Variants in SCNN1B observed in about 807,000 individuals in gnomAD.
SCNN1B encodes the protein epithelial sodium channel subunit beta.
In SCNN1B, 46 loss-of-function variants were observed where a neutral mutation model predicts 65.3. That is an observed-to-expected ratio of 0.70 (90% CI 0.56 to 0.90). SCNN1B has a LOEUF of 0.90. Ranked by LOEUF, SCNN1B falls within the 40% of genes least tolerant of loss-of-function variation. SCNN1B has a pLI of 0.00. For synonymous variants in SCNN1B, 349 were observed against 330.6 expected, an observed-to-expected ratio of 1.06 and a Z score of -0.60; for missense variants, 751 against 830.5, an observed-to-expected ratio of 0.90 and a Z score of 1.18.
intron 1 of SCNN1B, among the ~76,000 whole-genome samples, chr16:23,319,838 G>A (rs1254839216): frequency 6.6e-6 from 1 of 152,058 alleles, no homozygotes; most frequent in Non-Finnish European, 1.5e-5. Flanking sequence ...CGCAATCTTG[G>A]CTCACTGCAA....
intron 1 of SCNN1B, among the ~76,000 whole-genome samples, chr16:23,280,534 T>C (rs1960770130): frequency 6.6e-6 from 1 of 152,208 alleles, no homozygotes; most frequent in African/African-American, 2.4e-5. Flanking sequence ...GTATTATTAT[T>C]ATGAGCTCTA....
At position 23,371,873 on chromosome 16, in the gene SCNN1B, A is replaced by G. The variant is rs755232411; in HGVS notation, c.1142A>G (p.Tyr381Cys). 4 of 1,612,332 alleles carry G rather than the reference A, an allele frequency of 2.5e-6. No homozygotes were observed. The highest frequency in any genetic ancestry group is 1.1e-5 in the South Asian group (1 of 91,040). ...TTCTACAGTGACTACAACACGACCTACTCCATCCAGGTGGGAAGGTGGTGC... is the reference window on the plus strand; with the variant it reads ...TTCTACAGTGACTACAACACGACCTGCTCCATCCAGGTGGGAAGGTGGTGC... The part of the protein sequence containing the change: ...QNFYSDYNTT[Y>C]SIQACLRSCF... The change falls in exon 7 of 13, where the codon TAC (tyrosine) becomes TGC (cysteine). Residue 381 changes from tyrosine to cysteine, a missense_variant. Transcript: ENST00000343070.
Position 23,380,887 on chromosome 16 carries a change from A to G in SCNN1B, c.*86A>G. 2.7e-6 allele frequency: 4 copies of G among 1,466,330 alleles called. No individual in the cohort carries two copies. The East Asian group carries it at 9.0e-5, about 33-fold the overall frequency. 90.8% of individuals were successfully genotyped at this position (1,466,330 alleles called of 1,614,324 possible). On this transcript the variant is annotated 3_prime_UTR_variant, in exon 13 of 13. Coordinates refer to ENST00000343070, the MANE Select transcript of SCNN1B (RefSeq NM_000336.3). This position sits in a 1 kb window ranked among gnomAD's most constrained non-coding sequence, Gnocchi z 5.4. ...GGCCTCACTGTATGGTGCCCTCTCC[A>G]AAGGGTCGGGAGGGTAGCTCTCCAG...
intron 2 of SCNN1B, among the ~76,000 whole-genome samples, chr16:23,296,951 C>T (rs1797357944): frequency 6.7e-6 from 1 of 148,404 alleles, no homozygotes; most frequent in East Asian, 2.0e-4. Flanking sequence ...CTCGCCACTG[C>T]ACTCCAGCCT....
chr16:23,369,028 C>T (rs750631180), intron 5 of SCNN1B, among the ~76,000 whole-genome samples: 1 of 152,230 alleles, frequency 6.6e-6, no homozygotes, highest in African/African-American at 2.4e-5. Context: ...TGCGCTTGAA[C>T]CCCTTACATT....
intron 1 of SCNN1B, among the ~76,000 whole-genome samples, chr16:23,316,913 A>G (rs954335089): frequency 2.0e-5 from 3 of 151,804 alleles, no homozygotes; most frequent in Non-Finnish European, 4.4e-5. Context: ...CACCTCCATT[A>G]TCACCATCAC....
chr16:23,291,770 G>C (rs997292061), intron 2 of SCNN1B, among the ~76,000 whole-genome samples: 4 of 148,566 alleles, frequency 2.7e-5, no homozygotes, highest in African/African-American at 9.9e-5. Flanking sequence ...TAGTAGAGAC[G>C]GGGTTTCACC....
intron 7 of SCNN1B, among the ~76,000 whole-genome samples, chr16:23,373,681 C>T (rs1271851115): frequency 6.6e-6 from 1 of 152,220 alleles, no homozygotes; most frequent in East Asian, 1.9e-4. Flanking sequence ...TCTGGGTGCC[C>T]GAGCATGGCA....
At chr16:23,284,109 G>A (rs1960819436) in intron 2 of SCNN1B, among the ~76,000 whole-genome samples, 1 of 152,172 alleles carries the variant, frequency 6.6e-6, no homozygotes, top group Non-Finnish European at 1.5e-5. Flanking sequence ...CCTTGCATTA[G>A]AAATGTTAGG....
chr16:23,342,661 G>T (rs943029304), intron 1 of SCNN1B, among the ~76,000 whole-genome samples: 1 of 147,410 alleles, frequency 6.8e-6, no homozygotes, highest in Non-Finnish European at 1.5e-5. Context: ...TAGCTGATGA[G>T]CTAAGAAAAA....
chr16:23,364,534 G>A (rs368863639), intron 4 of SCNN1B, among the ~76,000 whole-genome samples: 3 of 152,174 alleles, frequency 2.0e-5, no homozygotes, highest in East Asian at 3.9e-4. Context: ...AGGGAGTACC[G>A]TGCTCTGACT....
At chr16:23,367,791 C>T in intron 4 of SCNN1B, 65 bp from the exon 5 acceptor site, 1 of 1,245,168 alleles carries the variant, frequency 8.0e-7, no homozygotes, top group Non-Finnish European at 1.2e-6. Flanking sequence ...AGGTGGACGG[C>T]AGACAGTCGG....
chr16:23,322,906 C>T (rs374860300), intron 1 of SCNN1B, among the ~76,000 whole-genome samples: 20 of 151,948 alleles, frequency 1.3e-4, no homozygotes, highest in Admixed American at 7.2e-4. Context: ...GGGCTGGGCA[C>T]GGTGGCTCAC....
intron 1 of SCNN1B, among the ~76,000 whole-genome samples, chr16:23,343,685 G>T (rs553997585): frequency 6.7e-6 from 1 of 149,894 alleles, no homozygotes; most frequent in Admixed American, 6.7e-5. Context: ...AAAAAAAGCC[G>T]AAACACTTTT....
At chr16:23,327,978 A>G (rs535522220) in intron 1 of SCNN1B, among the ~76,000 whole-genome samples, 43 of 152,324 alleles carry the variant, frequency 2.8e-4, no homozygotes, top group African/African-American at 1.0e-3. Flanking sequence ...ATGGAGGCCT[A>G]TATCATCCTA....
chr16:23,304,950 A>T, intron 1 of SCNN1B, among the ~76,000 whole-genome samples: 1 of 152,168 alleles, frequency 6.6e-6, no homozygotes, highest in Non-Finnish European at 1.5e-5. Flanking sequence ...GTAAGCAGGA[A>T]GTCTTTTCCT....
intron 2 of SCNN1B, among the ~76,000 whole-genome samples, chr16:23,289,975 C>T (rs1358705332): frequency 6.6e-6 from 1 of 152,062 alleles, no homozygotes; most frequent in East Asian, 1.9e-4. Context: ...TGCACCCGAC[C>T]CAATATGTAA....
chr16:23,280,458 A>G (rs941371724), intron 1 of SCNN1B, among the ~76,000 whole-genome samples: 1 of 152,090 alleles, frequency 6.6e-6, no homozygotes, highest in Non-Finnish European at 1.5e-5. Context: ...GGATCAAGCA[A>G]TCCACCTGCC....
chr16:23,332,649 C>G (rs1378805970), intron 1 of SCNN1B, among the ~76,000 whole-genome samples: 1 of 152,156 alleles, frequency 6.6e-6, no homozygotes. Context: ...TTTTTATCCC[C>G]TAGGCTCCCT....
Sources: gnomAD v4.1 joint callset for allele counts (sites outside exome capture counted in the v4.1 genomes callset) on GRCh38, gnomAD v4.1.1 for gene constraint, Gnocchi (gnomAD v3.1) non-coding constraint, MANE v1.5 for transcripts, NCBI Gene and HGNC (gene_info 2026-07-23, HGNC 2026-07-21) for gene names.